The following TSC22D3 variants were observed in gnomAD, a reference collection of about 807,000 sequenced individuals.
TSC22D3 encodes the protein TSC22 domain family member 3.
A neutral mutation model predicts 11.1 loss-of-function variants in TSC22D3; 4 were observed. The observed-to-expected ratio is 0.36, with a 90% CI of 0.18 to 0.83. The LOEUF is 0.83. Ranked by LOEUF, TSC22D3 falls within the 40% of genes least tolerant of loss-of-function variation. The pLI, the probability that TSC22D3 is intolerant of heterozygous loss-of-function variation, is 0.48. For synonymous variants in TSC22D3, 77 were observed against 70.3 expected (o/e 1.10, Z -0.48); for missense variants, 118 against 159.4 (o/e 0.74, Z 1.40).
intron 1 of TSC22D3, among the ~76,000 whole-genome samples, chrX:107,719,440 G>A (rs1170545909): frequency 8.9e-6 from 1 of 112,348 alleles, no homozygotes; most frequent in Admixed American, 9.4e-5. Flanking sequence ...ACTATTAATA[G>A]AGCATCAGCT....
At position 107,714,341 on chromosome X, in the gene TSC22D3, T is replaced by C; in HGVS notation, c.*178A>G. On this transcript the variant is annotated 3_prime_UTR_variant, in exon 3 of 3. Transcript: ENST00000372383. ...CTCAGCCTCCAGAGACCTGCTCTTG[T>C]CAGGGGTCTGTCGCTGGAGTGGACC... 1 of 445,222 alleles carries C rather than the reference T, an allele frequency of 2.2e-6. No individual in the cohort carries two copies. The highest frequency in any genetic ancestry group is 3.9e-6 in the Non-Finnish European group (1 of 259,479). 36.7% of individuals were successfully genotyped at this position (445,222 alleles called of 1,213,427 possible).
At chrX:107,716,930 C>T in intron 1 of TSC22D3, 1 of 1,123,755 alleles carries the variant, frequency 8.9e-7, no homozygotes, top group Non-Finnish European at 1.2e-6. Context: ...GGCCCTGAGG[C>T]TAGGAGCGGG....
At chrX:107,762,689 A>G (rs1929488097) in intron 1 of TSC22D3, among the ~76,000 whole-genome samples, 2 of 109,301 alleles carry the variant, frequency 1.8e-5, no homozygotes, top group South Asian at 7.9e-4. Flanking sequence ...TGTAGTCAGG[A>G]AGTTCTTTCT....
At chrX:107,769,965 C>T (rs761376551) in intron 1 of TSC22D3, among the ~76,000 whole-genome samples, 38 of 112,403 alleles carry the variant, frequency 3.4e-4, no homozygotes, top group Non-Finnish European at 6.4e-4. Flanking sequence ...AATGCCTATT[C>T]TTTGTCAGAC....
At chrX:107,720,130 T>C (rs978180306) in intron 1 of TSC22D3, among the ~76,000 whole-genome samples, 2 of 108,661 alleles carry the variant, frequency 1.8e-5, no homozygotes, top group African/African-American at 3.4e-5. Context: ...AACTCCTTTT[T>C]CCCCCTATTC....
Position 107,714,599 on chromosome X carries a change from A to T in TSC22D3, c.523T>A (p.Phe175Ile). ...TCTTCAGGGCTCAGACAGGACTGGA[A>T]CTTCTCCAGCTGCTCTGGGCTTGCC... ...TLASPEQLEK[F>I]QSCLSPEEPA... Residue 175 changes from phenylalanine to isoleucine, a missense_variant, in exon 3 of 3, where the codon TTC becomes ATC. Phe to Ile is a conservative substitution (Grantham distance 21, BLOSUM62 0). Transcript: ENST00000372383. 1 of 1,211,380 alleles carries T rather than the reference A, an allele frequency of 8.3e-7. No homozygotes were observed. The highest frequency in any genetic ancestry group is 1.1e-6 in the Non-Finnish European group (1 of 895,390).
chrX:107,764,816 C>T (rs369009610), intron 1 of TSC22D3, among the ~76,000 whole-genome samples: 2 of 111,770 alleles, frequency 1.8e-5, no homozygotes, highest in East Asian at 5.7e-4. Flanking sequence ...CCCTCGACTG[C>T]ACCCCTTGGT....
chrX:107,740,101 A>G (rs955027099), intron 1 of TSC22D3, among the ~76,000 whole-genome samples: 1 of 112,045 alleles, frequency 8.9e-6, no homozygotes, highest in African/African-American at 3.2e-5. Context: ...TGCAGAGGGG[A>G]AATCTGAGGC....
At chrX:107,760,162 C>T (rs1929371994) in intron 1 of TSC22D3, among the ~76,000 whole-genome samples, 2 of 113,203 alleles carry the variant, frequency 1.8e-5, no homozygotes, top group African/African-American at 6.4e-5. Context: ...ACCCGAACAG[C>T]AAGCCTTTCT....
chrX:107,715,548 A>G (rs181626704), intron 2 of TSC22D3, among the ~76,000 whole-genome samples: 4,229 of 112,143 alleles, frequency 0.038, 192 homozygotes, highest in African/African-American at 0.13. Context: ...GAGGCACTGC[A>G]GTGCTGTTGC....
At chrX:107,727,573 C>T (rs1208937228) in intron 1 of TSC22D3, among the ~76,000 whole-genome samples, 1 of 111,141 alleles carries the variant, frequency 9.0e-6, no homozygotes, top group Non-Finnish European at 1.9e-5. Context: ...TATGGACACC[C>T]TGTAGGTAGC....
intron 1 of TSC22D3, among the ~76,000 whole-genome samples, chrX:107,772,959 C>A (rs1044551464): frequency 4.4e-5 from 5 of 112,805 alleles, no homozygotes; most frequent in Non-Finnish European, 9.4e-5. Flanking sequence ...CTTAGCGAAG[C>A]CTGAGAGCTT....
chrX:107,766,060 T>C (rs749046199), intron 1 of TSC22D3, among the ~76,000 whole-genome samples: 1 of 112,275 alleles, frequency 8.9e-6, no homozygotes, highest in East Asian at 2.8e-4. Context: ...AGCCATTTAC[T>C]TGATGGCAAC....
intron 1 of TSC22D3, among the ~76,000 whole-genome samples, chrX:107,752,748 T>C (rs985278732): frequency 9.0e-6 from 1 of 111,171 alleles, no homozygotes; most frequent in African/African-American, 3.3e-5. Context: ...CCAGTTTAGA[T>C]TCCCCACGGA....
At chrX:107,751,802 T>G (rs943714278) in intron 1 of TSC22D3, among the ~76,000 whole-genome samples, 1 of 112,183 alleles carries the variant, frequency 8.9e-6, no homozygotes, top group Non-Finnish European at 1.9e-5. Context: ...ATGGACAGGG[T>G]GGCTGCCTGC....
At chrX:107,748,208 T>C (rs1928761745) in intron 1 of TSC22D3, among the ~76,000 whole-genome samples, 1 of 112,299 alleles carries the variant, frequency 8.9e-6, no homozygotes, top group African/African-American at 3.2e-5. Context: ...CTCTGCTTCT[T>C]CTCCGTGTGA....
intron 1 of TSC22D3, among the ~76,000 whole-genome samples, chrX:107,732,019 G>A (rs935398682): frequency 9.0e-5 from 10 of 111,285 alleles, no homozygotes; most frequent in African/African-American, 2.3e-4. Context: ...GTGCCGAGTC[G>A]CATGGTGACT....
At chrX:107,751,460 C>T (rs1320053055) in intron 1 of TSC22D3, among the ~76,000 whole-genome samples, 5 of 112,203 alleles carry the variant, frequency 4.5e-5, no homozygotes, top group African/African-American at 1.3e-4. Context: ...ACAGACCATT[C>T]GGAAGGACTG....
At chrX:107,741,013 C>T (rs1264978144) in intron 1 of TSC22D3, among the ~76,000 whole-genome samples, 2 of 109,845 alleles carry the variant, frequency 1.8e-5, no homozygotes, top group African/African-American at 3.3e-5. Flanking sequence ...GCCAGGCTGG[C>T]AGGGGAGATG....
Sources: allele counts gnomAD v4.1 joint callset (sites outside exome capture counted in the v4.1 genomes callset), GRCh38; gene constraint gnomAD v4.1.1; transcripts MANE v1.5; gene names NCBI Gene and HGNC (gene_info 2026-07-23, HGNC 2026-07-21).